Variants in OSBPL8 observed in about 807,000 individuals in gnomAD.
OSBPL8 encodes oxysterol binding protein like 8.
OSBPL8 carries 59 observed loss-of-function variants against 125.5 expected under a neutral mutation model. The observed-to-expected ratio is 0.47, with a 90% CI of 0.38 to 0.58. The LOEUF (loss-of-function observed/expected upper bound fraction) is 0.58. Among genes scored for constraint, OSBPL8 ranks in the 20% least tolerant of loss-of-function variants. The probability of loss-of-function intolerance (pLI) is 0.00; values close to 1 mark genes in which losing one functional copy is unlikely to be tolerated. For missense variants in OSBPL8, 758 were observed against 1,047.8 expected, an observed-to-expected ratio of 0.72 and a Z score of 3.82; for synonymous variants, 330 against 338.9, an observed-to-expected ratio of 0.97 and a Z score of 0.29.
At chr12:76,493,383 T>A (rs1350289693) in intron 1 of OSBPL8, among the ~76,000 whole-genome samples, 5 of 152,184 alleles carry the variant, frequency 3.3e-5, no homozygotes, top group African/African-American at 1.2e-4. Context: ...TTTGAAGAAT[T>A]CTCTTTCATT....
At chr12:76,427,885 C>A (rs1442362791) in intron 4 of OSBPL8, among the ~76,000 whole-genome samples, 1 of 151,916 alleles carries the variant, frequency 6.6e-6, no homozygotes, top group Non-Finnish European at 1.5e-5. Flanking sequence ...TTTGGTGGGT[C>A]ACAAACAGTG....
chr12:76,545,474 G>A (rs1433432348), intron 1 of OSBPL8, among the ~76,000 whole-genome samples: 1 of 152,094 alleles, frequency 6.6e-6, no homozygotes, highest in African/African-American at 2.4e-5. Context: ...TAAGCTGACG[G>A]TTCATTACTA....
chr12:76,481,943 A>G (rs1407001222), intron 2 of OSBPL8, among the ~76,000 whole-genome samples: 1 of 152,218 alleles, frequency 6.6e-6, no homozygotes, highest in Non-Finnish European at 1.5e-5. Context: ...ATTTTACTTT[A>G]TGATCACCAA....
At chr12:76,442,140 T>C (rs1282126264) in intron 4 of OSBPL8, among the ~76,000 whole-genome samples, 1 of 152,156 alleles carries the variant, frequency 6.6e-6, no homozygotes, top group African/African-American at 2.4e-5. Flanking sequence ...TTCTGCTTTG[T>C]TAAAGAAACA....
At chr12:76,525,125 G>T (rs1272683773) in intron 1 of OSBPL8, among the ~76,000 whole-genome samples, 1 of 152,134 alleles carries the variant, frequency 6.6e-6, no homozygotes, top group African/African-American at 2.4e-5. Flanking sequence ...ATACTTGAGA[G>T]GCATACTAAC....
In OSBPL8 at chr12:76,356,650, T is replaced by C. The variant is rs145720655; in HGVS notation, c.2513A>G (p.Lys838Arg). 2 of 1,607,058 alleles carry C rather than the reference T, an allele frequency of 1.2e-6. No individual in the cohort carries two copies. Among genetic ancestry groups the C allele is most frequent in the Non-Finnish European group, 1.7e-6 (2 of 1,174,588 alleles). Residue 838 changes from lysine to arginine, a missense_variant, in exon 23 of 24, where the codon AAA becomes AGA. Physicochemically the swap from Lys to Arg is conservative, Grantham distance 26 (BLOSUM62 2). Transcript: ENST00000261183. ...GDIQSSIESI[K>R]QTQEEIKRNI... ...CCTTTTAATTTCTTCCTGTGTTTGT[T>C]TTATAGATTCGATGGAACTCTGAAT...
chr12:76,453,122 C>T (rs953759904), intron 3 of OSBPL8, among the ~76,000 whole-genome samples: 4 of 151,852 alleles, frequency 2.6e-5, no homozygotes, highest in Admixed American at 6.6e-5. Context: ...GCTTTTCTTC[C>T]TCCATTAGAC....
In OSBPL8 at chr12:76,475,210, G is replaced by C. The variant is rs1422897410; in HGVS notation, c.42+12300C>G. On this transcript the variant is annotated intron_variant, in intron 2 of 23. Transcript: ENST00000261183. ...TAAATGTGGAGCTGTGGGTGTCTAA[G>C]CTTTAATTATATCCTACTTATGAGA... 1.4e-4 allele frequency among the ~76,000 whole-genome samples: 21 copies of C among 152,126 alleles called. No homozygotes were observed. The East Asian group carries it at 4.0e-3, about 29-fold the overall frequency.
At chr12:76,520,624 T>G (rs1881982933) in intron 1 of OSBPL8, among the ~76,000 whole-genome samples, 1 of 152,128 alleles carries the variant, frequency 6.6e-6, no homozygotes, top group Admixed American at 6.5e-5. Flanking sequence ...AAGCAGAGAA[T>G]ACAAGTAAGT....
chr12:76,506,817 A>G (rs1397078708), intron 1 of OSBPL8, among the ~76,000 whole-genome samples: 2 of 152,304 alleles, frequency 1.3e-5, no homozygotes, highest in African/African-American at 4.8e-5. Flanking sequence ...GGTCAAAGTC[A>G]AAAACATTTA....
rs77706803 is a variant in OSBPL8 at position 76,491,234 on chromosome 12, C to T, written c.-67-3616G>A. On this transcript the variant is annotated intron_variant, in intron 1 of 23. Coordinates refer to ENST00000261183, the MANE Select transcript of OSBPL8 (RefSeq NM_020841.5). ...TACATAAATTTAGTTGATAAAACAG[C>T]GGCAGGGTTCGAGAGGATTGACTTT... Among the ~76,000 whole-genome samples, 672 of 152,264 alleles carry T rather than the reference C, an allele frequency of 4.4e-3. 11 individuals carry two copies. The highest frequency in any genetic ancestry group is 0.03 in the Admixed American group (458 of 15,286).
At chr12:76,481,045 G>C (rs2136983172) in intron 2 of OSBPL8, among the ~76,000 whole-genome samples, 2 of 151,240 alleles carry the variant, frequency 1.3e-5, no homozygotes, top group South Asian at 4.2e-4. Flanking sequence ...AAAGGTTGAA[G>C]TGATACAAGG....
chr12:76,516,945 C>G (rs1383987928), intron 1 of OSBPL8, among the ~76,000 whole-genome samples: 1 of 151,842 alleles, frequency 6.6e-6, no homozygotes, highest in Non-Finnish European at 1.5e-5. Flanking sequence ...TCCTGAGTAG[C>G]TGGGATTACA....
In OSBPL8 at chr12:76,421,637, A is replaced by G. The variant is rs1024723496; in HGVS notation, c.218-11003T>C. On this transcript the variant is annotated intron_variant, in intron 4 of 23. Transcript: ENST00000261183. ...AAAATCTAAGTGTCAGAAAAAATAT[A>G]TAAATACAAGTATCAGTTTCAGTCA... 2.0e-5 allele frequency among the ~76,000 whole-genome samples: 3 copies of G among 152,250 alleles called. No homozygotes were observed. In the South Asian group the frequency reaches 6.2e-4, roughly 32 times the overall value.
chr12:76,370,151 C>T (rs959951958), intron 19 of OSBPL8, among the ~76,000 whole-genome samples: 1 of 152,094 alleles, frequency 6.6e-6, no homozygotes, highest in Non-Finnish European at 1.5e-5. Flanking sequence ...GGAATCTACG[C>T]TTTTAGCAAG....
chr12:76,553,451 G>C (rs1951001126), intron 1 of OSBPL8, among the ~76,000 whole-genome samples: 1 of 150,974 alleles, frequency 6.6e-6, no homozygotes, highest in African/African-American at 2.4e-5. Flanking sequence ...ATCATTTGAG[G>C]CTAGGGGTTC....
intron 9 of OSBPL8, 31 bp downstream of exon 9, chr12:76,394,614 C>A: frequency 1.3e-6 from 2 of 1,555,358 alleles, no homozygotes; most frequent in African/African-American, 1.4e-5. Context: ...AAATGAAGAC[C>A]AAAATCCAAT....
At chr12:76,540,842 G>A (rs1251655253) in intron 1 of OSBPL8, among the ~76,000 whole-genome samples, 1 of 152,182 alleles carries the variant, frequency 6.6e-6, no homozygotes, top group African/African-American at 2.4e-5. Context: ...ATCAAATGTG[G>A]TCTTCCCTTA....
At chr12:76,425,930 C>T (rs927691872) in intron 4 of OSBPL8, among the ~76,000 whole-genome samples, 1 of 152,112 alleles carries the variant, frequency 6.6e-6, no homozygotes, top group Non-Finnish European at 1.5e-5. Context: ...GAAATCATAA[C>T]CAAACTCTGG....
Sources: gnomAD v4.1 joint callset for allele counts (sites outside exome capture counted in the v4.1 genomes callset) on GRCh38, gnomAD v4.1.1 for gene constraint, MANE v1.5 for transcripts, NCBI Gene and HGNC (gene_info 2026-07-23, HGNC 2026-07-21) for gene names.